NFS1: variants seen among roughly 807,000 people sequenced by gnomAD.
The protein encoded by NFS1 is NFS1 cysteine desulfurase, also known as cysteine desulfurase.
A neutral mutation model predicts 57.3 loss-of-function variants in NFS1; 26 were observed. The ratio of observed to expected loss-of-function variants is 0.45; its 90% confidence interval spans 0.33 to 0.63. NFS1 has a LOEUF of 0.63. NFS1 is among the 20% of genes least tolerant of loss of function. The pLI is 0.02. For missense variants in NFS1, 505 were observed against 605.8 expected (o/e 0.83, Z 1.75); for synonymous variants, 209 against 216.3 (o/e 0.97, Z 0.30).
intron 5 of NFS1, among the ~76,000 whole-genome samples, chr20:35,682,950 C>T (rs1438036345): frequency 6.6e-6 from 1 of 151,842 alleles, no homozygotes; most frequent in Non-Finnish European, 1.5e-5. Flanking sequence ...TGGTGGCAGG[C>T]ACCGGTAGTC....
chr20:35,688,455 G>A (rs984593717), intron 5 of NFS1, among the ~76,000 whole-genome samples: 1 of 151,984 alleles, frequency 6.6e-6, no homozygotes, highest in Admixed American at 6.6e-5. Context: ...TGCTCGGTAG[G>A]CTAAGGTGGG....
chr20:35,689,566 A>G (rs1311565671), intron 5 of NFS1, among the ~76,000 whole-genome samples: 1 of 152,082 alleles, frequency 6.6e-6, no homozygotes, highest in Non-Finnish European at 1.5e-5. Flanking sequence ...CAGGAGATAG[A>G]GACCATCCTG....
rs1339810751 is a variant in NFS1, at chr20:35,675,118, C to T, written c.875G>A (p.Arg292Gln). ...TAAGGGTGTGGGCACTGTCCCAGAC[C>T]GCATACCCCGCTCCTGCCCCCCTCC... ...QSGGGQERGMRSGTVPTPLVV... is the reference protein window; with the variant it reads ...QSGGGQERGMQSGTVPTPLVV... Residue 292 changes from arginine to glutamine, a missense_variant, in exon 8 of 13, where the codon CGG becomes CAG. Arg to Gln is a conservative substitution (Grantham distance 43). Coordinates refer to ENST00000374092, the MANE Select transcript of NFS1 (RefSeq NM_021100.5). 21 of 1,614,036 alleles carry T rather than the reference C, an allele frequency of 1.3e-5. No homozygotes were observed. The highest frequency in any genetic ancestry group is 1.8e-5 in the Non-Finnish European group (21 of 1,180,016).
chr20:35,674,287 A>G (rs973482615), intron 10 of NFS1, 63 bp downstream of exon 10: 2 of 1,323,802 alleles, frequency 1.5e-6, no homozygotes, highest in African/African-American at 2.9e-5. Flanking sequence ...TGGGAAGTTT[A>G]ATAGCCTGTA....
Position 35,699,015 on chromosome 20 carries a change from T to A in NFS1, c.97+177A>T. ...CTGTCGCGCAGGGTGCGAGGGGTGG[T>A]GCGCCGGGGTCAACCGTTCGGGGAC... On this transcript the variant is annotated intron_variant, in intron 1 of 12. Transcript: ENST00000374092. This position sits in a 1 kb window ranked among gnomAD's most constrained non-coding sequence, Gnocchi z 4.4. 7.6e-7 allele frequency: 1 copy of A among 1,323,316 alleles called. No homozygotes were observed. Among genetic ancestry groups the A allele is most frequent in the Non-Finnish European group, 9.6e-7 (1 of 1,040,006 alleles). 82.0% of individuals were successfully genotyped at this position (1,323,316 alleles called of 1,614,324 possible). A position where few individuals can be genotyped will look rare whatever the true frequency, so the allele number is the denominator to read the frequency against.
chr20:35,682,147 T>G (rs1348128458), intron 5 of NFS1, among the ~76,000 whole-genome samples, 166 bp from the exon 6 acceptor site: 2 of 152,234 alleles, frequency 1.3e-5, no homozygotes, highest in Non-Finnish European at 2.9e-5. Context: ...GCACAGACTC[T>G]GAATGGTTCA....
intron 4 of NFS1, among the ~76,000 whole-genome samples, chr20:35,694,045 CTAA>C (rs1169945828): frequency 6.6e-6 from 1 of 152,030 alleles, no homozygotes; most frequent in African/African-American, 2.4e-5. Context: ...ACTTGGGAGG[CTAA>C]GATGAGAGGA....
intron 7 of NFS1, among the ~76,000 whole-genome samples, chr20:35,676,623 T>C (rs141156119): frequency 8.9e-4 from 135 of 151,458 alleles, no homozygotes; most frequent in African/African-American, 2.9e-3. Flanking sequence ...AAATGAAAGA[T>C]TGAAACAGTG....
Position 35,682,578 on chromosome 20 carries a change from C to T in NFS1, c.562-597G>A, listed in dbSNP as rs184316206. On this transcript the variant is annotated intron_variant, in intron 5 of 12. Coordinates refer to ENST00000374092, the MANE Select transcript of NFS1 (RefSeq NM_021100.5). The stretch of plus-strand genomic sequence containing the variant: ...CTGAGGTTGGTGGGTGTCCTGAGAT[C>T]GGAAGTTCGAGACCAGCCTGGCGAA... The T allele has an allele frequency of 5.5e-4, 82 of 149,754 alleles. 1 individual carries two copies. The highest frequency in any genetic ancestry group is 8.9e-5 in the Non-Finnish European group (6 of 67,654). 9.3% of individuals were successfully genotyped at this position (149,754 alleles called of 1,614,324 possible).
At chr20:35,698,102 A>G (rs569359358) in intron 2 of NFS1, among the ~76,000 whole-genome samples, 3 of 152,178 alleles carry the variant, frequency 2.0e-5, no homozygotes, top group Admixed American at 1.3e-4. Flanking sequence ...AATGTGATCT[A>G]TAAGGGGCTG....
chr20:35,669,612 C>T lies in NFS1; in HGVS notation c.*10G>A. ...GGGCCAGACCAGCACAAAGTCAGGG[C>T]CCTATTCTTCTAGTGTTGGGTCCAC... On this transcript the variant is annotated 3_prime_UTR_variant, in exon 13 of 13. Transcript: ENST00000374092. 1.2e-6 allele frequency: 2 copies of T among 1,613,888 alleles called. No individual in the cohort carries two copies. Among genetic ancestry groups the T allele is most frequent in the Non-Finnish European group, 1.7e-6 (2 of 1,179,812 alleles).
intron 12 of NFS1, among the ~76,000 whole-genome samples, chr20:35,670,713 A>G (rs909745725): frequency 1.3e-5 from 2 of 152,212 alleles, no homozygotes; most frequent in Non-Finnish European, 2.9e-5. Flanking sequence ...CCGAAGCCAC[A>G]TAGATAGGAA....
chr20:35,689,326 A>G lies in NFS1; in HGVS notation c.561+1087T>C, dbSNP rs533022406. Among the ~76,000 whole-genome samples the G allele has an allele frequency of 1.4e-4, 22 of 152,274 alleles. 1 individual carries two copies. In the South Asian group the frequency reaches 4.6e-3, roughly 32 times the overall value. On this transcript the variant is annotated intron_variant, in intron 5 of 12. Transcript: ENST00000374092. ...AACATGGTGAAACTCTGTCTCTACT[A>G]AAAATACAAAAATTAGAGCCAGGCA...
chr20:35,695,661 C>T lies in NFS1; in HGVS notation c.408+716G>A, dbSNP rs1050452782. On this transcript the variant is annotated intron_variant, in intron 4 of 12. Coordinates refer to ENST00000374092, the MANE Select transcript of NFS1 (RefSeq NM_021100.5). ...CTAAAGAAACAGGAGGAACTTGTTG[C>T]AAATAGATCTGATCAGAAAGAAAAA... Among the ~76,000 whole-genome samples the T allele has an allele frequency of 3.3e-5, 5 of 152,032 alleles. 1 individual carries two copies. The highest frequency in any genetic ancestry group is 1.3e-4 in the Admixed American group (2 of 15,256).
chr20:35,690,595 G>A, intron 4 of NFS1, 30 bp from the exon 5 acceptor site: 2 of 1,611,934 alleles, frequency 1.2e-6, no homozygotes, highest in African/African-American at 1.3e-5. Flanking sequence ...GATGGAAGGA[G>A]AACATACTCA....
At position 35,685,157 on chromosome 20, in the gene NFS1, A is replaced by T. The variant is rs566565039; in HGVS notation, c.562-3176T>A. Among the ~76,000 whole-genome samples the T allele has an allele frequency of 1.3e-4, 20 of 151,602 alleles. 1 individual carries two copies. The South Asian group carries it at 2.7e-3, about 20-fold the overall frequency. ...CCACCTTGGCCCCCAAAGTGCTGGG[A>T]TTATAGGCATGAGCCACAGCACCTG... is the stretch of plus-strand genomic sequence containing the variant. On this transcript the variant is annotated intron_variant, in intron 5 of 12. Coordinates refer to ENST00000374092, the MANE Select transcript of NFS1 (RefSeq NM_021100.5).
At position 35,680,888 on chromosome 20, in the gene NFS1, G is replaced by C. The variant is rs375979785; in HGVS notation, c.656-17C>G. The C allele has an allele frequency of 1.2e-5, 18 of 1,481,508 alleles. No individual in the cohort carries two copies. The highest frequency in any genetic ancestry group is 1.6e-5 in the Non-Finnish European group (18 of 1,112,434). 91.8% of individuals were successfully genotyped at this position (1,481,508 alleles called of 1,614,324 possible). Reference sequence around the variant, plus strand: ...AAATCCGCCCTGAGGAAACAGAGGGGAAGACCCACAGCACAATGTTGGAAA... The same window carrying C: ...AAATCCGCCCTGAGGAAACAGAGGGCAAGACCCACAGCACAATGTTGGAAA... On this transcript the variant is annotated splice_polypyrimidine_tract_variant and intron_variant, in intron 6 of 12. Coordinates refer to ENST00000374092, the MANE Select transcript of NFS1 (RefSeq NM_021100.5).
At chr20:35,698,619 G>GT in intron 1 of NFS1, 29 bp from the exon 2 acceptor site, 1 of 1,565,264 alleles carries the variant, frequency 6.4e-7, no homozygotes, top group South Asian at 1.2e-5. Context: ...GAGTAGCCAA[G>GT]TAAGACCGAA....
chr20:35,673,523 A>G (rs2034691516), intron 11 of NFS1, 78 bp downstream of exon 11: 1 of 1,317,140 alleles, frequency 7.6e-7, no homozygotes, highest in Non-Finnish European at 1.1e-6. Context: ...TTCAGGGTGG[A>G]AAAAGAAAAA....
Sources: allele counts gnomAD v4.1 joint callset (sites outside exome capture counted in the v4.1 genomes callset), GRCh38; gene constraint gnomAD v4.1.1; non-coding constraint Gnocchi (gnomAD v3.1); transcripts MANE v1.5; gene names NCBI Gene and HGNC (gene_info 2026-07-23, HGNC 2026-07-21).